The following ARVCF variants were observed in gnomAD, a reference collection of about 807,000 sequenced individuals.
ARVCF encodes splicing regulator ARVCF.
Under a neutral mutation model 90.9 loss-of-function variants are expected in ARVCF, and 66 were observed. That is an observed-to-expected ratio of 0.73 (90% CI 0.60 to 0.89). The LOEUF (loss-of-function observed/expected upper bound fraction) is 0.89, where lower values mean the gene tolerates loss of function less well. Among genes scored for constraint, ARVCF ranks in the 40% least tolerant of loss-of-function variants. The probability of loss-of-function intolerance (pLI) is 0.00; values close to 1 mark genes in which losing one functional copy is unlikely to be tolerated. For missense variants in ARVCF, 1,469 were observed against 1,382.3 expected (o/e 1.06, Z -1.00); for synonymous variants, 653 against 603.4 (o/e 1.08, Z -1.21).
chr22:19,985,470 G>A (rs955277552), intron 3 of ARVCF, among the ~76,000 whole-genome samples: 6 of 152,258 alleles, frequency 3.9e-5, no homozygotes, highest in Non-Finnish European at 8.8e-5. Context: ...GCTGAGCCCA[G>A]CATAGGGGCT....
At chr22:20,013,769 A>C (rs553570782) in intron 1 of ARVCF, among the ~76,000 whole-genome samples, 3 of 152,358 alleles carry the variant, frequency 2.0e-5, no homozygotes, top group African/African-American at 4.8e-5. Flanking sequence ...CCAAGATATG[A>C]AGGCCCTGAG....
chr22:19,968,697 G>A, downstream of ARVCF: 1 of 1,613,586 alleles, frequency 6.2e-7, no homozygotes, highest in Non-Finnish European at 8.5e-7. Flanking sequence ...GCCTGGAGAA[G>A]GCCATCTACA....
chr22:20,009,660 C>T (rs1387501327), intron 2 of ARVCF, among the ~76,000 whole-genome samples: 1 of 152,244 alleles, frequency 6.6e-6, no homozygotes, highest in African/African-American at 2.4e-5. Context: ...ACTCTGGCAG[C>T]GTGGATGTGA....
intron 3 of ARVCF, chr22:19,986,923 C>T: frequency 2.0e-6 from 1 of 512,612 alleles, no homozygotes; most frequent in East Asian, 3.6e-5. Flanking sequence ...CTGGCCCCAG[C>T]CTGACGCAGC....
At chr22:19,979,530 A>G in intron 6 of ARVCF, 3 of 729,426 alleles carry the variant, frequency 4.1e-6, no homozygotes, top group South Asian at 4.0e-5. Context: ...CGAGGGGCGC[A>G]GCGTCAGCCT....
intron 19 of ARVCF, among the ~76,000 whole-genome samples, 178 bp downstream of exon 19, chr22:19,971,038 C>T (rs72554698): frequency 0.014 from 2,073 of 152,258 alleles, 47 homozygotes; most frequent in African/African-American, 0.046. Flanking sequence ...GGAGCACCCT[C>T]CCTCTCTGAC....
chr22:19,968,874 C>T, downstream of ARVCF: 2 of 753,336 alleles, frequency 2.7e-6, no homozygotes, highest in South Asian at 3.1e-5. Context: ...TGCGCCCTGA[C>T]ATGCTAACCT....
rs753910671 is a variant in ARVCF, at chr22:19,980,079, G to A, written c.1060C>T (p.Arg354Cys). Residue 354 changes from arginine (R) to cysteine (C), a missense_variant, in exon 6 of 20, where the codon CGC becomes TGC. By Grantham distance (180) the Arg-to-Cys change is radical (BLOSUM62 -3). Coordinates refer to ENST00000263207, the MANE Select transcript of ARVCF (RefSeq NM_001670.3). Reference protein sequence around the residue: ...PSVDSARKEPRWRDPELPEVL... With the variant: ...PSVDSARKEPCWRDPELPEVL... Reference sequence around the variant, plus strand: ...TCAGGCAGCTCAGGGTCCCGCCAGCGCGGCTCCTTGCGGGCGCTATCCACT... The same window carrying A: ...TCAGGCAGCTCAGGGTCCCGCCAGCACGGCTCCTTGCGGGCGCTATCCACT... The A allele has an allele frequency of 1.3e-5, 21 of 1,581,228 alleles. No individual in the cohort carries two copies. The highest frequency in any genetic ancestry group is 4.0e-5 in the African/African-American group (3 of 74,262).
At chr22:20,014,182 T>C (rs949314250) in intron 1 of ARVCF, among the ~76,000 whole-genome samples, 4 of 150,092 alleles carry the variant, frequency 2.7e-5, no homozygotes, top group African/African-American at 9.9e-5. Flanking sequence ...GACCAGCCCA[T>C]CCTGGTTGTT....
intron 2 of ARVCF, among the ~76,000 whole-genome samples, chr22:20,009,307 G>A (rs1375677952): frequency 1.3e-5 from 2 of 152,214 alleles, no homozygotes; most frequent in East Asian, 1.9e-4. Context: ...CACTAGGCTG[G>A]CCCGGCCGGC....
intron 4 of ARVCF, 25 bp downstream of exon 4, chr22:19,981,908 A>G: frequency 6.2e-7 from 1 of 1,603,966 alleles, no homozygotes; most frequent in Non-Finnish European, 8.5e-7. Flanking sequence ...CTGCTCACCC[A>G]CCCACTGCCT....
rs1275306497 is a variant in ARVCF at position 19,994,299 on chromosome 22, T to C, written c.-18-3487A>G. Among the ~76,000 whole-genome samples, 6 of 130,456 alleles carry C rather than the reference T, an allele frequency of 4.6e-5. No homozygotes were observed. In the East Asian group the frequency reaches 1.1e-3, roughly 24 times the overall value. The allele number at this position is 130,456 out of a possible 152,430, so 85.6% of individuals were successfully genotyped here. On this transcript the variant is annotated intron_variant, in intron 2 of 19. Transcript: ENST00000263207. ...GGGGGGATGCTGAAGGATGAACTTA[T>C]AGATGAATGAATGGATGGGTGGGTG...
Position 20,013,670 on chromosome 22 carries a change from G to A in ARVCF, c.-73+2919C>T, listed in dbSNP as rs553921216. On this transcript the variant is annotated intron_variant, in intron 1 of 19. Coordinates refer to ENST00000263207, the MANE Select transcript of ARVCF (RefSeq NM_001670.3). ...CTCAATCAGCAGGGGCAGTGGGAAGGGCCTGTGCATAACTGGTTATGGAGT... is the reference window on the plus strand; with the variant it reads ...CTCAATCAGCAGGGGCAGTGGGAAGAGCCTGTGCATAACTGGTTATGGAGT... Among the ~76,000 whole-genome samples, 5 of 152,284 alleles carry A rather than the reference G, an allele frequency of 3.3e-5. 1 individual carries two copies. The highest frequency in any genetic ancestry group is 1.2e-4 in the African/African-American group (5 of 41,562).
intron 11 of ARVCF, among the ~76,000 whole-genome samples, chr22:19,974,637 C>A (rs1036622994): frequency 5.3e-5 from 8 of 151,872 alleles, no homozygotes; most frequent in African/African-American, 1.9e-4. Context: ...TGGCCAGTAA[C>A]TGAGAGTTGT....
Position 19,973,712 on chromosome 22 carries a change from T to C in ARVCF, c.2170A>G (p.Lys724Glu), listed in dbSNP as rs1478507485. The stretch of plus-strand genomic sequence containing the variant: ...GCGATGGCGACGGCGCGCACCACCT[T>C]GTCGGTCTCAGACTGCAGCAGTTCC... ...LVELLQSETD[K>E]VVRAVAIALR... Residue 724 changes from lysine (K) to glutamate (E), a missense_variant, in exon 13 of 20, where the codon AAG (lysine) becomes GAG (glutamate). Physicochemically the swap from Lys to Glu is moderately conservative, Grantham distance 56. Coordinates refer to ENST00000263207, the MANE Select transcript of ARVCF (RefSeq NM_001670.3). 1.2e-6 allele frequency: 2 copies of C among 1,610,074 alleles called. No homozygotes were observed. The highest frequency in any genetic ancestry group is 1.7e-6 in the Non-Finnish European group (2 of 1,179,922).
At chr22:19,967,415 A>G, downstream of ARVCF, 1 of 471,524 alleles carries the variant, frequency 2.1e-6, no homozygotes, top group Non-Finnish European at 4.4e-6. Context: ...TTCTAAATGA[A>G]AACACATCAT....
In ARVCF at chr22:19,972,941, G is replaced by A. The variant is rs370772862; in HGVS notation, c.2534C>T (p.Thr845Ile). The A allele has an allele frequency of 2.5e-6, 4 of 1,613,850 alleles. No homozygotes were observed. Among genetic ancestry groups the A allele is most frequent in the Non-Finnish European group, 3.4e-6 (4 of 1,180,024 alleles). The stretch of plus-strand genomic sequence containing the variant: ...AAGCCGCACCTGGAAGCGCGCCTTG[G>A]TCCAACCATCTTTCTGCAAGGTACC... Reference protein sequence around the residue: ...LRGTLQKDGWTKARFQSAAAT... With the variant: ...LRGTLQKDGWIKARFQSAAAT... Residue 845 changes from threonine to isoleucine, a missense_variant, in exon 15 of 20, where the codon ACC (threonine) becomes ATC (isoleucine). By Grantham distance (89) the Thr-to-Ile change is moderately conservative (BLOSUM62 -1). Coordinates refer to ENST00000263207, the MANE Select transcript of ARVCF (RefSeq NM_001670.3).
At chr22:19,967,059 C>G, downstream of ARVCF, 1 of 1,213,538 alleles carries the variant, frequency 8.2e-7, no homozygotes, top group African/African-American at 1.6e-5. Context: ...TGCCTTCTTT[C>G]CCCTCTTGAC....
chr22:19,991,862 C>T (rs1944039676), intron 2 of ARVCF, among the ~76,000 whole-genome samples: 1 of 152,254 alleles, frequency 6.6e-6, no homozygotes, highest in African/African-American at 2.4e-5. Context: ...GTGAGCATGG[C>T]CGGGTGCCCA....
Sources: gnomAD v4.1 joint callset for allele counts (sites outside exome capture counted in the v4.1 genomes callset) on GRCh38, gnomAD v4.1.1 for gene constraint, MANE v1.5 for transcripts, NCBI Gene and HGNC (gene_info 2026-07-23, HGNC 2026-07-21) for gene names.